The following ZNF85 variants were observed in gnomAD, a reference collection of about 807,000 sequenced individuals.
ZNF85 encodes zinc finger protein 85, also known as zinc finger protein 85 (HPF4, HTF1).
A neutral mutation model predicts 53.9 loss-of-function variants in ZNF85; 50 were observed. The ratio of observed to expected loss-of-function variants is 0.93; its 90% CI spans 0.74 to 1.17. The LOEUF (loss-of-function observed/expected upper bound fraction) is 1.17, where lower values mean the gene tolerates loss of function less well. Among genes scored for constraint, ZNF85 ranks in the 50% most tolerant of loss-of-function variants. The probability of loss-of-function intolerance (pLI) is 0.00; values close to 1 mark genes in which losing one functional copy is unlikely to be tolerated. For missense variants in ZNF85, 747 were observed against 688.5 expected, an observed-to-expected ratio of 1.08 and a Z score of -0.95; for synonymous variants, 225 against 226.1, an observed-to-expected ratio of 1.00 and a Z score of 0.04.
chr19:20,935,652 A>G (rs111252815), intron 3 of ZNF85, among the ~76,000 whole-genome samples: 1,653 of 150,892 alleles, frequency 0.011, 31 homozygotes, highest in African/African-American at 0.032. Flanking sequence ...AAAAGATGCC[A>G]CTAGAATTTT....
intron 3 of ZNF85, among the ~76,000 whole-genome samples, chr19:20,948,080 A>G (rs183501741): frequency 6.4e-4 from 97 of 152,166 alleles, no homozygotes; most frequent in African/African-American, 2.1e-3. Flanking sequence ...TCTGAAACCA[A>G]TTGTCTTGGA....
intron 3 of ZNF85, among the ~76,000 whole-genome samples, chr19:20,940,559 T>TC (rs1973272171): frequency 1.3e-5 from 2 of 152,148 alleles, no homozygotes; most frequent in Non-Finnish European, 2.9e-5. Context: ...AGCTTTATAT[T>TC]TCAGGAATGT....
intron 1 of ZNF85, among the ~76,000 whole-genome samples, chr19:20,931,887 G>A (rs10407598): frequency 0.044 from 6,705 of 152,166 alleles, 230 homozygotes; most frequent in South Asian, 0.12. Context: ...GATTATAGGC[G>A]TGAGCCACCA....
chr19:20,932,427 A>G (rs1973044767), intron 1 of ZNF85, among the ~76,000 whole-genome samples: 1 of 152,150 alleles, frequency 6.6e-6, no homozygotes, highest in Non-Finnish European at 1.5e-5. Context: ...CATTCTTTAC[A>G]TTGTGGCTTT....
Position 20,949,083 on chromosome 19 carries a change from C to G in ZNF85, c.569C>G (p.Thr190Ser), listed in dbSNP as rs761785835. The G allele has an allele frequency of 6.2e-6, 10 of 1,613,616 alleles. No individual in the cohort carries two copies. In the African/African-American group the frequency reaches 1.3e-4, roughly 22 times the overall value. ...GKSFGMISCL[T>S]EHSRIHTRVN... ...TCATTTGGCATGATTTCATGCCTAA[C>G]TGAACATAGCAGAATTCATACTAGA... The change falls in exon 4 of 4, where the codon ACT (threonine) becomes AGT (serine). Residue 190 changes from threonine (T) to serine (S), a missense_variant. Coordinates refer to ENST00000328178, the MANE Select transcript of ZNF85 (RefSeq NM_003429.5).
In ZNF85 at chr19:20,935,135, G is replaced by A. The variant is rs143489562; in HGVS notation, c.229+88G>A. On this transcript the variant is annotated intron_variant, in intron 3 of 3. Coordinates refer to ENST00000328178, the MANE Select transcript of ZNF85 (RefSeq NM_003429.5). ...AGCCAGTCCTTAAAATGTGATTTAG[G>A]AAGCTGTGTTCCAAAGAAAATAGTT... 5.2e-3 allele frequency: 4,412 copies of A among 844,612 alleles called. 71 individuals carry two copies. The highest frequency in any genetic ancestry group is 0.036 in the African/African-American group (2,036 of 56,722). 52.3% of individuals were successfully genotyped at this position (844,612 alleles called of 1,614,324 possible).
At chr19:20,948,488 T>C (rs1973474540) in intron 3 of ZNF85, among the ~76,000 whole-genome samples, 1 of 146,848 alleles carries the variant, frequency 6.8e-6, no homozygotes, top group Admixed American at 6.9e-5. Context: ...ACAAACTTTT[T>C]TTTTCCTATG....
chr19:20,948,335 G>C (rs912113282), intron 3 of ZNF85, among the ~76,000 whole-genome samples: 1 of 152,010 alleles, frequency 6.6e-6, no homozygotes, highest in African/African-American at 2.4e-5. Context: ...ACCAGTGTCT[G>C]GAAAAGTCCC....
At chr19:20,945,851 T>G (rs1458539629) in intron 3 of ZNF85, 1 of 152,290 alleles carries the variant, frequency 6.6e-6, no homozygotes, top group Non-Finnish European at 1.5e-5. Flanking sequence ...TTTGCATTGC[T>G]TTCACCCATT....
In ZNF85 at chr19:20,948,952, T is replaced by A. The variant is rs1463618689; in HGVS notation, c.438T>A (p.Phe146Leu). The change falls in exon 4 of 4, where the codon TTT becomes TTA. Residue 146 changes from phenylalanine to leucine, a missense_variant. Physicochemically the swap from Phe to Leu is conservative, Grantham distance 22 (BLOSUM62 0). Coordinates refer to ENST00000328178, the MANE Select transcript of ZNF85 (RefSeq NM_003429.5). ...QCLTATQSKI[F>L]QCDKYVKVAH... ...TCACAGCTACCCAGAGCAAAATATT[T>A]CAATGTGATAAATATGTAAAAGTCG... 1 of 1,613,528 alleles carries A rather than the reference T, an allele frequency of 6.2e-7. No individual in the cohort carries two copies. The highest frequency in any genetic ancestry group is 2.2e-5 in the East Asian group (1 of 44,858).
intron 3 of ZNF85, chr19:20,937,380 G>A (rs1295331848): frequency 1.1e-5 from 5 of 455,934 alleles, no homozygotes; most frequent in Non-Finnish European, 2.2e-5. Flanking sequence ...CTTCTGTTGG[G>A]CCCCCAGGGT....
At chr19:20,931,610 TTTTC>T (rs1350516975) in intron 1 of ZNF85, among the ~76,000 whole-genome samples, 3 of 135,690 alleles carry the variant, frequency 2.2e-5, no homozygotes, top group East Asian at 4.1e-4. Context: ...TTCTTTTTCT[TTTTC>T]TTTTTCTTTT....
chr19:20,942,591 T>C (rs1380321103), intron 3 of ZNF85, among the ~76,000 whole-genome samples: 1 of 152,232 alleles, frequency 6.6e-6, no homozygotes, highest in African/African-American at 2.4e-5. Flanking sequence ...TTTGCCACTG[T>C]AGTTTGTATT....
chr19:20,938,850 A>ATATGTGTG (rs1555793966), intron 3 of ZNF85, among the ~76,000 whole-genome samples: 2 of 141,092 alleles, frequency 1.4e-5, no homozygotes, highest in South Asian at 2.2e-4. Context: ...ATTCTGCTAT[A>ATATGTGTG]TGTGTGTGTG....
At chr19:20,930,305 T>C (rs1020581727) in intron 1 of ZNF85, among the ~76,000 whole-genome samples, 1 of 152,160 alleles carries the variant, frequency 6.6e-6, no homozygotes, top group Non-Finnish European at 1.5e-5. Flanking sequence ...AACATTCTAT[T>C]TAACAACTTG....
At chr19:20,948,532 C>CATTT (rs1250153269) in intron 3 of ZNF85, among the ~76,000 whole-genome samples, 1 of 152,046 alleles carries the variant, frequency 6.6e-6, no homozygotes, top group East Asian at 1.9e-4. Context: ...TGGGGCACTG[C>CATTT]ACACACTTAA....
At chr19:20,931,615 T>C (rs1973020556) in intron 1 of ZNF85, among the ~76,000 whole-genome samples, 1 of 131,302 alleles carries the variant, frequency 7.6e-6, no homozygotes, top group African/African-American at 3.6e-5. Context: ...TTTCTTTTTC[T>C]TTTTCTTTTT....
At chr19:20,948,565 A>G (rs942005201) in intron 3 of ZNF85, among the ~76,000 whole-genome samples, 179 bp from the exon 4 acceptor site, 1 of 152,088 alleles carries the variant, frequency 6.6e-6, no homozygotes. Flanking sequence ...TTTTCCACAA[A>G]TGTATTTTGG....
chr19:20,933,969 G>A lies in ZNF85; in HGVS notation c.4-55G>A, dbSNP rs1320227189. The A allele has an allele frequency of 5.6e-6, 4 of 715,908 alleles. No homozygotes were observed. The East Asian group carries it at 9.7e-5, about 17-fold the overall frequency. 44.3% of individuals were successfully genotyped at this position (715,908 alleles called of 1,614,324 possible). On this transcript the variant is annotated intron_variant, in intron 1 of 3. Transcript: ENST00000328178. ...CCAGTTGGTAATTATGTGTGTGTGT[G>A]TGTGTGTGTGTGTGTGTGTGTGTGT...
Sources: allele counts gnomAD v4.1 joint callset (sites outside exome capture counted in the v4.1 genomes callset), GRCh38; gene constraint gnomAD v4.1.1; transcripts MANE v1.5; gene names NCBI Gene and HGNC (gene_info 2026-07-23, HGNC 2026-07-21).